Variants in RPS6KA2 observed in about 807,000 individuals in gnomAD.
The protein encoded by RPS6KA2 is ribosomal protein S6 kinase A2, also known as ribosomal protein S6 kinase alpha-2.
A neutral mutation model predicts 91.8 loss-of-function variants in RPS6KA2; 42 were observed. The observed-to-expected ratio is 0.46, with a 90% CI of 0.36 to 0.59. RPS6KA2 has a LOEUF of 0.59. RPS6KA2 is among the 20% of genes least tolerant of loss of function. RPS6KA2 has a pLI of 0.00. For missense variants in RPS6KA2, 798 were observed against 978.5 expected (o/e 0.82, Z 2.46); for synonymous variants, 414 against 393.6 (o/e 1.05, Z -0.61).
At chr6:166,745,094 T>C (rs898032557) in intron 2 of RPS6KA2, among the ~76,000 whole-genome samples, 5 of 151,910 alleles carry the variant, frequency 3.3e-5, no homozygotes, top group African/African-American at 1.2e-4. Flanking sequence ...GACAGTGTCC[T>C]TCCCCCTGTC....
intron 2 of RPS6KA2, among the ~76,000 whole-genome samples, chr6:166,725,796 A>G (rs1355581610): frequency 6.6e-6 from 1 of 152,166 alleles, no homozygotes; most frequent in East Asian, 1.9e-4. Context: ...CAGCACAGAG[A>G]CTGGCTCCAG....
chr6:166,546,286 G>C (rs578136801), intron 1 of RPS6KA2, among the ~76,000 whole-genome samples: 49 of 152,212 alleles, frequency 3.2e-4, no homozygotes, highest in African/African-American at 1.1e-3. Flanking sequence ...TTTCCTCGTG[G>C]AACAGCTTTA....
intron 1 of RPS6KA2, among the ~76,000 whole-genome samples, chr6:166,621,109 T>A (rs1437662235): frequency 6.6e-6 from 1 of 152,204 alleles, no homozygotes; most frequent in Non-Finnish European, 1.5e-5. Flanking sequence ...TGGAATCAGG[T>A]AGGGCTCTCA....
chr6:166,828,743 A>C, intron 2 of RPS6KA2, among the ~76,000 whole-genome samples: 1 of 152,254 alleles, frequency 6.6e-6, no homozygotes, highest in East Asian at 1.9e-4. Context: ...AAGATGAGAA[A>C]AGCTTTATCA....
At position 166,783,046 on chromosome 6, in the gene RPS6KA2, AGGTATTATT is replaced by A. The variant is rs1419986839; in HGVS notation, c.123+75145_123+75153del. Among the ~76,000 whole-genome samples, 361 of 139,916 alleles carry A rather than the reference AGGTATTATT, an allele frequency of 2.6e-3. 2 individuals are homozygous for A. The highest frequency in any genetic ancestry group is 8.9e-3 in the African/African-American group (331 of 37,188). 91.8% of individuals were successfully genotyped at this position (139,916 alleles called of 152,430 possible). A position where few individuals can be genotyped will look rare whatever the true frequency, so the allele number is the denominator to read the frequency against. ...CTAAACTTGCTGCAGGGTATCTTTT[AGGTATTATT>A]ATTATTATTATTATTATTATTATTA... On this transcript the variant is annotated intron_variant, in intron 2 of 21. Coordinates refer to the RPS6KA2 transcript ENST00000503859.
rs575062028 is a variant in RPS6KA2 at position 166,510,203 on chromosome 6, T to C, written c.379+74A>G. 2.5e-4 allele frequency: 233 copies of C among 935,784 alleles called. 1 individual carries two copies. In the African/African-American group the frequency reaches 3.6e-3, roughly 14 times the overall value. The allele number at this position is 935,784 out of a possible 1,614,324, so 58.0% of individuals were successfully genotyped here. On this transcript the variant is annotated intron_variant, in intron 4 of 20. Transcript: ENST00000265678. ...ATTTTCTTCTTTCTGATCTGTTATT[T>C]CTTTTTCAATTTTCTTTGATCTGGA...
At chr6:166,629,969 A>T (rs1194311757), upstream of RPS6KA2, among the ~76,000 whole-genome samples, 1 of 152,210 alleles carries the variant, frequency 6.6e-6, no homozygotes, top group African/African-American at 2.4e-5. Context: ...GTGAGTGAAC[A>T]GACAAAGCTC....
chr6:166,717,138 T>C (rs866142459), intron 2 of RPS6KA2, among the ~76,000 whole-genome samples: 4 of 151,470 alleles, frequency 2.6e-5, no homozygotes, highest in African/African-American at 9.7e-5. Context: ...GGAGGTGGAG[T>C]GTGTCTGTGG....
At chr6:166,788,497 T>C (rs1421956645) in intron 2 of RPS6KA2, among the ~76,000 whole-genome samples, 1 of 152,174 alleles carries the variant, frequency 6.6e-6, no homozygotes, top group African/African-American at 2.4e-5. Flanking sequence ...CATGGAATAC[T>C]ATGCAGCTAT....
At chr6:166,466,357 G>A (rs1469779847) in intron 11 of RPS6KA2, among the ~76,000 whole-genome samples, 2 of 152,222 alleles carry the variant, frequency 1.3e-5, no homozygotes, top group East Asian at 1.9e-4. Context: ...CAAATCCATC[G>A]TATTGTTAAA....
intron 1 of RPS6KA2, among the ~76,000 whole-genome samples, chr6:166,560,010 C>T (rs1239081853): frequency 1.3e-5 from 2 of 152,094 alleles, no homozygotes; most frequent in Admixed American, 6.6e-5. Flanking sequence ...AGATGCAAAC[C>T]GCATGACCTT....
At chr6:166,450,979 G>A in intron 13 of RPS6KA2, 124 bp downstream of exon 13, 1 of 1,127,162 alleles carries the variant, frequency 8.9e-7, no homozygotes, top group Non-Finnish European at 1.3e-6. Flanking sequence ...GGAAGAATTG[G>A]TGATTAAAGT....
intron 1 of RPS6KA2, among the ~76,000 whole-genome samples, chr6:166,623,661 G>C (rs553704752): frequency 6.6e-6 from 1 of 152,170 alleles, no homozygotes; most frequent in Non-Finnish European, 1.5e-5. Flanking sequence ...GCAATGTGTC[G>C]TGGTTCTTAG....
At chr6:166,462,282 G>A (rs1367685225) in intron 11 of RPS6KA2, among the ~76,000 whole-genome samples, 1 of 152,242 alleles carries the variant, frequency 6.6e-6, no homozygotes, top group Non-Finnish European at 1.5e-5. Context: ...CAGGGCTGCA[G>A]GCTCTGCCTG....
intron 1 of RPS6KA2, among the ~76,000 whole-genome samples, chr6:166,582,833 A>G (rs1236241394): frequency 1.3e-5 from 2 of 152,196 alleles, no homozygotes; most frequent in African/African-American, 4.8e-5. Context: ...ACACAAAAAA[A>G]CCTCTTGAAT....
At chr6:166,709,947 C>T (rs1373638424) in intron 2 of RPS6KA2, among the ~76,000 whole-genome samples, 1 of 152,184 alleles carries the variant, frequency 6.6e-6, no homozygotes, top group Non-Finnish European at 1.5e-5. Flanking sequence ...ATCTTTAAAA[C>T]TGTAAGAGGG....
At chr6:166,841,014 G>A (rs1780461482) in intron 2 of RPS6KA2, among the ~76,000 whole-genome samples, 4 of 151,946 alleles carry the variant, frequency 2.6e-5, no homozygotes, top group African/African-American at 9.7e-5. Flanking sequence ...GGGTGTGGTA[G>A]CTCACATCTG....
chr6:166,743,633 T>C (rs2016623716), intron 2 of RPS6KA2, among the ~76,000 whole-genome samples: 1 of 152,250 alleles, frequency 6.6e-6, no homozygotes, highest in African/African-American at 2.4e-5. Flanking sequence ...CTTTGGTATA[T>C]TGAGACATGC....
intron 11 of RPS6KA2, among the ~76,000 whole-genome samples, chr6:166,464,825 G>C (rs1296404379): frequency 2.0e-5 from 3 of 152,120 alleles, no homozygotes. Flanking sequence ...CCTTCAGAAG[G>C]AATGGCTCCC....
Sources: gnomAD v4.1 joint callset for allele counts (sites outside exome capture counted in the v4.1 genomes callset) on GRCh38, gnomAD v4.1.1 for gene constraint, MANE v1.5 for transcripts, NCBI Gene and HGNC (gene_info 2026-07-23, HGNC 2026-07-21) for gene names.